CHCHD6: variants seen among roughly 807,000 people sequenced by gnomAD.
The protein encoded by CHCHD6 is MICOS complex subunit MIC25.
A neutral mutation model predicts 32.3 loss-of-function variants in CHCHD6; 28 were observed. The ratio of observed to expected loss-of-function variants is 0.87; its 90% CI spans 0.64 to 1.19. The LOEUF (loss-of-function observed/expected upper bound fraction) is 1.19. Among genes scored for constraint, CHCHD6 ranks in the 50% most tolerant of loss-of-function variants. The probability of loss-of-function intolerance (pLI) is 0.00; values close to 1 mark genes in which losing one functional copy is unlikely to be tolerated. For missense variants in CHCHD6, 333 were observed against 307.0 expected (o/e 1.08, Z -0.63); for synonymous variants, 122 against 117.5 (o/e 1.04, Z -0.25).
chr3:126,927,737 G>C (rs1445478971), intron 6 of CHCHD6, among the ~76,000 whole-genome samples: 1 of 152,190 alleles, frequency 6.6e-6, no homozygotes, highest in African/African-American at 2.4e-5. Flanking sequence ...TTAGCTTCTG[G>C]AGGGATTAAA....
chr3:126,814,731 A>C (rs1237496091), intron 4 of CHCHD6, among the ~76,000 whole-genome samples: 1 of 152,142 alleles, frequency 6.6e-6, no homozygotes, highest in Non-Finnish European at 1.5e-5. Context: ...ATAAACCAGG[A>C]AATGTAAGTG....
chr3:126,733,294 G>C lies in CHCHD6; in HGVS notation c.411+72G>C, dbSNP rs7644926. 2,043 of 1,444,042 alleles carry C rather than the reference G, an allele frequency of 1.4e-3. 20 individuals are homozygous for C. The African/African-American group carries it at 0.026, about 18-fold the overall frequency. 89.5% of individuals were successfully genotyped at this position (1,444,042 alleles called of 1,614,324 possible). On this transcript the variant is annotated intron_variant, in intron 4 of 7. Coordinates refer to ENST00000290913, the MANE Select transcript of CHCHD6 (RefSeq NM_032343.3). ...CCTGGGAAATAGGGGGCGGGCCCTGGCACCTGGTTAGTCTGAAGCCCTGCT... is the reference window on the plus strand; with the variant it reads ...CCTGGGAAATAGGGGGCGGGCCCTGCCACCTGGTTAGTCTGAAGCCCTGCT...
chr3:126,786,825 T>A (rs1938236677), intron 4 of CHCHD6, among the ~76,000 whole-genome samples: 4 of 152,110 alleles, frequency 2.6e-5, no homozygotes, highest in Admixed American at 1.3e-4. Context: ...GCTCTTTAGT[T>A]TAATTAGATC....
At chr3:126,813,187 C>T (rs1277615143) in intron 4 of CHCHD6, among the ~76,000 whole-genome samples, 2 of 152,146 alleles carry the variant, frequency 1.3e-5, no homozygotes, top group African/African-American at 2.4e-5. Context: ...TGCCTTTTAT[C>T]GGCCACAGGA....
intron 6 of CHCHD6, among the ~76,000 whole-genome samples, chr3:126,942,057 A>C (rs764373159): frequency 2.0e-5 from 3 of 152,156 alleles, no homozygotes; most frequent in Non-Finnish European, 4.4e-5. Context: ...CAGGGCTTTC[A>C]TCTGTAGGGA....
chr3:126,757,081 G>T (rs763155316), intron 4 of CHCHD6, among the ~76,000 whole-genome samples: 6 of 152,128 alleles, frequency 3.9e-5, no homozygotes, highest in Admixed American at 2.6e-4. Flanking sequence ...TGATAAAATC[G>T]CAGGTTGTGT....
chr3:126,880,655 C>T (rs2077596095), intron 5 of CHCHD6, among the ~76,000 whole-genome samples: 1 of 152,150 alleles, frequency 6.6e-6, no homozygotes, highest in South Asian at 2.1e-4. Context: ...GGGACAAATT[C>T]TAGGCTTAGA....
chr3:126,949,030 A>G (rs1194169872), intron 6 of CHCHD6, among the ~76,000 whole-genome samples: 1 of 152,226 alleles, frequency 6.6e-6, no homozygotes, highest in African/African-American at 2.4e-5. Flanking sequence ...GCCTTACCTG[A>G]GAGTCCTGCT....
chr3:126,772,984 T>C (rs931338397), intron 4 of CHCHD6, among the ~76,000 whole-genome samples: 13 of 152,210 alleles, frequency 8.5e-5, no homozygotes, highest in Non-Finnish European at 8.8e-5. Flanking sequence ...CCTTTACTTA[T>C]GAAGCTTAGT....
intron 4 of CHCHD6, among the ~76,000 whole-genome samples, chr3:126,846,297 A>C (rs763794153): frequency 2.0e-5 from 3 of 152,222 alleles, no homozygotes; most frequent in Non-Finnish European, 2.9e-5. Flanking sequence ...AAGCAGAGGC[A>C]ATTGTTGAAT....
chr3:126,822,087 T>G (rs552129082), intron 4 of CHCHD6, among the ~76,000 whole-genome samples: 1 of 152,300 alleles, frequency 6.6e-6, no homozygotes, highest in Non-Finnish European at 1.5e-5. Flanking sequence ...TACCTATTTT[T>G]TCTTTGGTTA....
At chr3:126,956,319 G>A (rs1242936828) in intron 6 of CHCHD6, among the ~76,000 whole-genome samples, 1 of 152,224 alleles carries the variant, frequency 6.6e-6, no homozygotes, top group Non-Finnish European at 1.5e-5. Flanking sequence ...TCCGTCTACA[G>A]CTGGGAAGGG....
At chr3:126,774,956 A>G (rs917287233) in intron 4 of CHCHD6, among the ~76,000 whole-genome samples, 1 of 152,188 alleles carries the variant, frequency 6.6e-6, no homozygotes, top group African/African-American at 2.4e-5. Flanking sequence ...TGAGGCAAGA[A>G]GAAAACTCAG....
chr3:126,837,808 G>T (rs1940921779), intron 4 of CHCHD6, among the ~76,000 whole-genome samples: 1 of 152,096 alleles, frequency 6.6e-6, no homozygotes, highest in South Asian at 2.1e-4. Flanking sequence ...AGAGAATGTG[G>T]TACTTATTGG....
chr3:126,864,650 C>T (rs1942173489), intron 5 of CHCHD6, among the ~76,000 whole-genome samples: 1 of 142,168 alleles, frequency 7.0e-6, no homozygotes, highest in Admixed American at 7.0e-5. Context: ...TACCTTTTTT[C>T]CTCCTCCTCC....
At chr3:126,804,407 A>G (rs1029625091) in intron 4 of CHCHD6, among the ~76,000 whole-genome samples, 2 of 152,310 alleles carry the variant, frequency 1.3e-5, no homozygotes, top group Non-Finnish European at 2.9e-5. Context: ...CAGAAATACA[A>G]ACTACCATCA....
At chr3:126,948,145 G>A (rs934812477) in intron 6 of CHCHD6, among the ~76,000 whole-genome samples, 5 of 152,220 alleles carry the variant, frequency 3.3e-5, no homozygotes, top group African/African-American at 9.7e-5. Flanking sequence ...TGGGAAACGG[G>A]TCCAACCCCT....
chr3:126,949,924 C>G (rs1195632857), intron 6 of CHCHD6: 1 of 153,998 alleles, frequency 6.5e-6, no homozygotes, highest in East Asian at 1.9e-4. Flanking sequence ...AAAGGCTGCA[C>G]AAAACCTTTT....
chr3:126,777,996 C>T (rs1937731264), intron 4 of CHCHD6, among the ~76,000 whole-genome samples: 1 of 152,150 alleles, frequency 6.6e-6, no homozygotes, highest in South Asian at 2.1e-4. Context: ...TTTGTGTGTT[C>T]TGAACATGCC....
Sources: gnomAD v4.1 joint callset for allele counts (sites outside exome capture counted in the v4.1 genomes callset) on GRCh38, gnomAD v4.1.1 for gene constraint, MANE v1.5 for transcripts, NCBI Gene and HGNC (gene_info 2026-07-23, HGNC 2026-07-21) for gene names.